Variants in SH3RF3 observed in about 807,000 individuals in gnomAD.
The protein encoded by SH3RF3 is SH3 domain containing ring finger 3, also known as E3 ubiquitin-protein ligase SH3RF3.
In SH3RF3, 29 loss-of-function variants were observed where a neutral mutation model predicts 66.3. That is an observed-to-expected ratio of 0.44 (90% CI 0.33 to 0.60). SH3RF3 has a LOEUF of 0.60. Among genes scored for constraint, SH3RF3 ranks in the 20% least tolerant of loss-of-function variants. The pLI, the probability that SH3RF3 is intolerant of heterozygous loss-of-function variation, is 0.04. For synonymous variants in SH3RF3, 583 were observed against 532.0 expected, an observed-to-expected ratio of 1.10 and a Z score of -1.32; for missense variants, 1,194 against 1,190.9, an observed-to-expected ratio of 1.00 and a Z score of -0.04.
chr2:109,218,661 C>T (rs1310065760), intron 1 of SH3RF3, among the ~76,000 whole-genome samples: 1 of 152,148 alleles, frequency 6.6e-6, no homozygotes, highest in Non-Finnish European at 1.5e-5. Flanking sequence ...CAGGCCCTGC[C>T]GGCCAGCAGG....
At chr2:109,182,560 G>A (rs1319164788) in intron 1 of SH3RF3, among the ~76,000 whole-genome samples, 1 of 152,184 alleles carries the variant, frequency 6.6e-6, no homozygotes, top group African/African-American at 2.4e-5. Flanking sequence ...GAAAGCACAT[G>A]GAACTTGCAC....
At chr2:109,153,382 G>A (rs1677266294) in intron 1 of SH3RF3, among the ~76,000 whole-genome samples, 1 of 152,132 alleles carries the variant, frequency 6.6e-6, no homozygotes, top group Admixed American at 6.5e-5. Context: ...TTTTGCTGAG[G>A]TTTGGAAAGG....
At chr2:109,424,357 GA>G (rs1459921061) in intron 5 of SH3RF3, among the ~76,000 whole-genome samples, 1 of 152,224 alleles carries the variant, frequency 6.6e-6, no homozygotes, top group Non-Finnish European at 1.5e-5. Context: ...CTTCAGAGGG[GA>G]CCCAGGCTGG....
chr2:109,428,170 A>C (rs1573243178), intron 5 of SH3RF3, among the ~76,000 whole-genome samples: 2 of 152,340 alleles, frequency 1.3e-5, no homozygotes, highest in Middle Eastern at 3.4e-3. Context: ...CCCTGGGAGA[A>C]AAGTAGAAGT....
At chr2:109,156,299 T>C (rs949831635) in intron 1 of SH3RF3, among the ~76,000 whole-genome samples, 3 of 152,220 alleles carry the variant, frequency 2.0e-5, no homozygotes, top group Non-Finnish European at 2.9e-5. Flanking sequence ...TCTTCAGTGT[T>C]TTCTCCGCCC....
intron 1 of SH3RF3, among the ~76,000 whole-genome samples, chr2:109,334,546 G>A (rs535410843): frequency 1.2e-4 from 18 of 152,214 alleles, no homozygotes; most frequent in Admixed American, 2.0e-4. Flanking sequence ...CAGCCAGCAG[G>A]GGAACCCTCA....
At chr2:109,239,019 T>C (rs1185097673) in intron 1 of SH3RF3, among the ~76,000 whole-genome samples, 1 of 152,164 alleles carries the variant, frequency 6.6e-6, no homozygotes, top group East Asian at 1.9e-4. Context: ...GACAGAACAA[T>C]GTTAAATGTA....
chr2:109,479,808 C>T (rs561957094), intron 8 of SH3RF3, among the ~76,000 whole-genome samples: 7 of 152,318 alleles, frequency 4.6e-5, no homozygotes, highest in African/African-American at 1.7e-4. Flanking sequence ...CGCAGACCCC[C>T]AAAACCATCC....
chr2:109,476,492 C>T (rs1678686352), intron 8 of SH3RF3, among the ~76,000 whole-genome samples: 1 of 152,192 alleles, frequency 6.6e-6, no homozygotes, highest in Non-Finnish European at 1.5e-5. Context: ...GGTCTAGAAC[C>T]CAAGATATTT....
At chr2:109,221,812 C>T (rs981284428) in intron 1 of SH3RF3, among the ~76,000 whole-genome samples, 2 of 151,884 alleles carry the variant, frequency 1.3e-5, no homozygotes, top group African/African-American at 4.8e-5. Flanking sequence ...TCTCAGAAAA[C>T]GAAAACTAGA....
chr2:109,318,738 G>A (rs1681946568), intron 1 of SH3RF3, among the ~76,000 whole-genome samples: 1 of 152,162 alleles, frequency 6.6e-6, no homozygotes, highest in Non-Finnish European at 1.5e-5. Flanking sequence ...GCCAGATACT[G>A]ACCCTTCTGG....
At chr2:109,405,994 G>A (rs988947754) in intron 4 of SH3RF3, among the ~76,000 whole-genome samples, 2 of 152,196 alleles carry the variant, frequency 1.3e-5, no homozygotes, top group African/African-American at 2.4e-5. Context: ...CCCAACTCCC[G>A]CAGGCCCGGC....
chr2:109,201,361 C>T (rs942159783), intron 1 of SH3RF3, among the ~76,000 whole-genome samples: 1 of 152,246 alleles, frequency 6.6e-6, no homozygotes, highest in African/African-American at 2.4e-5. Flanking sequence ...ATGGCCTGGG[C>T]TTTGGGCCTT....
intron 3 of SH3RF3, among the ~76,000 whole-genome samples, chr2:109,391,815 A>G (rs1195942204): frequency 6.6e-6 from 1 of 151,902 alleles, no homozygotes; most frequent in South Asian, 2.1e-4. Flanking sequence ...TTTTCATGTC[A>G]TTTTCAACCT....
chr2:109,323,273 G>A (rs1219979899), intron 1 of SH3RF3, among the ~76,000 whole-genome samples: 2 of 152,196 alleles, frequency 1.3e-5, no homozygotes, highest in Non-Finnish European at 2.9e-5. Flanking sequence ...TGTATAGCAG[G>A]CACTGACTGG....
chr2:109,215,639 G>T (rs1300716385), intron 1 of SH3RF3, among the ~76,000 whole-genome samples: 1 of 152,106 alleles, frequency 6.6e-6, no homozygotes, highest in Non-Finnish European at 1.5e-5. Flanking sequence ...TGCCAGGAAG[G>T]GTGCTGGGCT....
intron 1 of SH3RF3, among the ~76,000 whole-genome samples, chr2:109,210,486 C>T (rs907197294): frequency 2.9e-4 from 44 of 152,204 alleles, no homozygotes; most frequent in Non-Finnish European, 4.4e-5. Flanking sequence ...GGAGCTGCAT[C>T]CCAGGGAGAC....
At chr2:109,465,930 C>T (rs1678328952) in intron 8 of SH3RF3, among the ~76,000 whole-genome samples, 1 of 152,158 alleles carries the variant, frequency 6.6e-6, no homozygotes, top group Non-Finnish European at 1.5e-5. Context: ...TCCGTCCCCA[C>T]GATCCAGTCA....
At chr2:109,340,907 GA>G (rs34864178) in intron 1 of SH3RF3, among the ~76,000 whole-genome samples, 2,038 of 150,392 alleles carry the variant, frequency 0.014, 40 homozygotes, top group African/African-American at 0.045. Context: ...AAAAAAGGAA[GA>G]AAAAAAAAAT....
Sources: allele counts gnomAD v4.1 joint callset (sites outside exome capture counted in the v4.1 genomes callset), GRCh38; gene constraint gnomAD v4.1.1; transcripts MANE v1.5; gene names NCBI Gene and HGNC (gene_info 2026-07-23, HGNC 2026-07-21).